Variants in MCM9 observed in about 807,000 individuals in gnomAD.
MCM9 encodes minichromosome maintenance 9 homologous recombination repair factor.
Under a neutral mutation model 72.8 loss-of-function variants are expected in MCM9, and 55 were observed. The observed-to-expected ratio is 0.76, with a 90% CI of 0.61 to 0.95. The LOEUF is 0.95. Ranked by LOEUF, MCM9 falls within the 40% of genes least tolerant of loss-of-function variation. The probability of loss-of-function intolerance (pLI) is 0.00; values close to 1 mark genes in which losing one functional copy is unlikely to be tolerated. For synonymous variants in MCM9, 480 were observed against 503.4 expected (o/e 0.95, Z 0.62); for missense variants, 1,279 against 1,377.0 (o/e 0.93, Z 1.13).
intron 8 of MCM9, among the ~76,000 whole-genome samples, chr6:118,858,714 C>T (rs568397741): frequency 2.6e-5 from 4 of 152,224 alleles, no homozygotes; most frequent in South Asian, 4.1e-4. Flanking sequence ...TTATAAAATA[C>T]ATGCAAGAAT....
chr6:118,835,912 CCTTGT>C (rs1774924780), intron 9 of MCM9, among the ~76,000 whole-genome samples: 1 of 152,176 alleles, frequency 6.6e-6, no homozygotes, highest in African/African-American at 2.4e-5. Context: ...GAGAGGGCAT[CCTTGT>C]CTTGTGCCAG....
chr6:118,844,911 G>A (rs1011731973), intron 9 of MCM9, among the ~76,000 whole-genome samples: 7 of 151,806 alleles, frequency 4.6e-5, no homozygotes, highest in African/African-American at 1.7e-4. Flanking sequence ...GTTCTGGACA[G>A]GCCAAACACT....
intron 13 of MCM9, among the ~76,000 whole-genome samples, chr6:118,821,498 T>C (rs1773807458): frequency 6.6e-6 from 1 of 152,244 alleles, no homozygotes; most frequent in South Asian, 2.1e-4. Context: ...CTGCGGTTAG[T>C]CTGATGGGCT....
chr6:118,842,292 C>T (rs1295489919), intron 9 of MCM9, among the ~76,000 whole-genome samples: 1 of 152,144 alleles, frequency 6.6e-6, no homozygotes, highest in Non-Finnish European at 1.5e-5. Context: ...TCTAGTGATA[C>T]CCTGCTTTTG....
At chr6:118,912,692 C>G (rs944722286) in intron 7 of MCM9, 1 of 152,446 alleles carries the variant, frequency 6.6e-6, no homozygotes, top group Non-Finnish European at 1.5e-5. Flanking sequence ...TTATTATGGC[C>G]CACGTACAGG....
chr6:118,843,672 ATGTATATATATATGTG>A (rs1775621179), intron 9 of MCM9, among the ~76,000 whole-genome samples: 2 of 40,674 alleles, frequency 4.9e-5, no homozygotes, highest in Non-Finnish European at 1.1e-4. Context: ...ATATATATGT[ATGTATATATATATGTG>A]TATATATATA....
intron 7 of MCM9, chr6:118,912,564 C>G (rs978938019): frequency 3.9e-5 from 6 of 152,130 alleles, no homozygotes; most frequent in African/African-American, 1.2e-4. Context: ...AGTAGGTGAT[C>G]AAAACATATA....
intron 8 of MCM9, among the ~76,000 whole-genome samples, chr6:118,901,893 A>G (rs142805609): frequency 0.01 from 1,576 of 152,298 alleles, 29 homozygotes; most frequent in African/African-American, 0.036. Flanking sequence ...AATGAATACC[A>G]TTGGTCAAAT....
chr6:118,865,020 G>A (rs146268249), intron 8 of MCM9, among the ~76,000 whole-genome samples: 3 of 152,266 alleles, frequency 2.0e-5, no homozygotes, highest in Admixed American at 1.3e-4. Flanking sequence ...GAAGTGGACC[G>A]GCACTTCTTG....
At chr6:118,852,855 G>A (rs1776316878) in intron 9 of MCM9, among the ~76,000 whole-genome samples, 1 of 152,014 alleles carries the variant, frequency 6.6e-6, no homozygotes, top group Non-Finnish European at 1.5e-5. Flanking sequence ...TTACAGTTTA[G>A]CCTTTTGTAG....
At chr6:118,817,993 TA>T (rs1340259342) in intron 13 of MCM9, among the ~76,000 whole-genome samples, 7 of 151,996 alleles carry the variant, frequency 4.6e-5, no homozygotes, top group African/African-American at 1.7e-4. Flanking sequence ...TTTTCTTGTA[TA>T]TTTTTTTAAG....
rs1469402029 is a variant in MCM9, at chr6:118,827,358, ATTATT to A, written c.1733-499_1733-495del. ...TTACAGTATTTTTTATTAAGCTTGT[ATTATT>A]TTATTTTATTATTCAGTTCATGTGA... On this transcript the variant is annotated intron_variant, in intron 11 of 13. Transcript: ENST00000619706. 3.9e-5 allele frequency among the ~76,000 whole-genome samples: 6 copies of A among 152,304 alleles called. No individual in the cohort carries two copies. In the East Asian group the frequency reaches 7.7e-4, roughly 20 times the overall value.
chr6:118,856,604 C>T (rs1430951388), intron 8 of MCM9, 59 bp from the exon 9 acceptor site: 13 of 1,505,070 alleles, frequency 8.6e-6, no homozygotes, highest in Admixed American at 4.0e-5. Flanking sequence ...CTTGACTGGG[C>T]GCAGTGGCTC....
intron 8 of MCM9, chr6:118,908,210 TG>T (rs1388453595): frequency 1.3e-5 from 2 of 152,174 alleles, no homozygotes; most frequent in African/African-American, 4.8e-5. Flanking sequence ...TTGGTTTGTT[TG>T]GTAAGAGAAG....
intron 1 of MCM9, among the ~76,000 whole-genome samples, 197 bp from the exon 2 acceptor site, chr6:118,932,937 G>A (rs1207168880): frequency 6.6e-6 from 1 of 152,176 alleles, no homozygotes; most frequent in African/African-American, 2.4e-5. Flanking sequence ...TATACAGACG[G>A]ATAACAAATT....
At chr6:118,888,711 G>C (rs1778759421) in intron 8 of MCM9, among the ~76,000 whole-genome samples, 1 of 151,608 alleles carries the variant, frequency 6.6e-6, no homozygotes, top group Admixed American at 6.6e-5. Context: ...AATAAAACGT[G>C]GTATACCTAT....
chr6:118,874,597 T>C (rs1011078721), intron 8 of MCM9, among the ~76,000 whole-genome samples: 3 of 151,912 alleles, frequency 2.0e-5, no homozygotes, highest in Non-Finnish European at 4.4e-5. Flanking sequence ...TACAATAAGA[T>C]GAGAAAAGGA....
intron 8 of MCM9, among the ~76,000 whole-genome samples, chr6:118,892,148 A>T (rs1429588003): frequency 6.6e-5 from 10 of 152,346 alleles, no homozygotes; most frequent in African/African-American, 2.2e-4. Flanking sequence ...TGGTGAGGAA[A>T]CTATTGAACA....
chr6:118,841,129 T>C (rs555669510), intron 9 of MCM9, among the ~76,000 whole-genome samples: 3 of 152,280 alleles, frequency 2.0e-5, no homozygotes, highest in African/African-American at 7.2e-5. Flanking sequence ...AGTAATGGGA[T>C]TTACAAGCAA....
Sources: gnomAD v4.1 joint callset for allele counts (sites outside exome capture counted in the v4.1 genomes callset) on GRCh38, gnomAD v4.1.1 for gene constraint, MANE v1.5 for transcripts, NCBI Gene and HGNC (gene_info 2026-07-23, HGNC 2026-07-21) for gene names.